Variants in HTR2C observed in about 807,000 individuals in gnomAD.
HTR2C encodes 5-hydroxytryptamine (serotonin) receptor 2C, G protein-coupled.
In HTR2C, 5 loss-of-function variants were observed where a neutral mutation model predicts 21.0. The ratio of observed to expected loss-of-function variants is 0.24; its 90% CI spans 0.12 to 0.50. The LOEUF (loss-of-function observed/expected upper bound fraction) is 0.50, where lower values mean the gene tolerates loss of function less well. HTR2C is among the 20% of genes least tolerant of loss of function. The pLI, the probability that HTR2C is intolerant of heterozygous loss-of-function variation, is 0.98. For synonymous variants in HTR2C, 150 were observed against 145.3 expected (o/e 1.03, Z -0.23); for missense variants, 271 against 371.2 (o/e 0.73, Z 2.22).
At chrX:114,718,571 A>G (rs1036509966) in intron 2 of HTR2C, among the ~76,000 whole-genome samples, 4 of 112,045 alleles carry the variant, frequency 3.6e-5, no homozygotes, top group Non-Finnish European at 5.6e-5. Context: ...ATTGAAAATT[A>G]TGTGAAAACT....
chrX:114,716,777 G>T (rs1933006430), intron 2 of HTR2C, among the ~76,000 whole-genome samples: 1 of 111,478 alleles, frequency 9.0e-6, no homozygotes, highest in South Asian at 3.7e-4. Flanking sequence ...ATATTCATTA[G>T]TCCTAAGGAT....
chrX:114,754,848 G>A (rs34109142), intron 4 of HTR2C, among the ~76,000 whole-genome samples: 1 of 110,685 alleles, frequency 9.0e-6, no homozygotes, highest in African/African-American at 3.3e-5. Flanking sequence ...CCATCTACAG[G>A]GTGAGAGAAA....
intron 2 of HTR2C, among the ~76,000 whole-genome samples, chrX:114,722,909 T>G (rs782673037): frequency 1.8e-5 from 2 of 109,697 alleles, no homozygotes; most frequent in East Asian, 5.7e-4. Context: ...CTGCTGGATT[T>G]GGTTTGCCAG....
chrX:114,706,560 T>G (rs781821813), intron 2 of HTR2C, among the ~76,000 whole-genome samples: 3 of 57,330 alleles, frequency 5.2e-5, no homozygotes, highest in Non-Finnish European at 9.0e-5. Flanking sequence ...GGGACTGTGG[T>G]GGGGTGGGGG....
chrX:114,745,545 G>T (rs1448232924), intron 4 of HTR2C, among the ~76,000 whole-genome samples: 1 of 112,181 alleles, frequency 8.9e-6, no homozygotes, highest in Non-Finnish European at 1.9e-5. Flanking sequence ...AGGTTTGGAA[G>T]CAACCTAAAT....
chrX:114,909,385 G>A lies in HTR2C; in HGVS notation c.*1970G>A, dbSNP rs1264816324. ...GCCATGTATGTTGCATGAATCCATC[G>A]ATTTGTATTAATGTAGGGCAGAATA... On this transcript the variant is annotated 3_prime_UTR_variant, in exon 6 of 6. Transcript: ENST00000276198. 3 of 112,102 alleles carry A rather than the reference G, an allele frequency of 2.7e-5. No homozygotes were observed. The highest frequency in any genetic ancestry group is 6.5e-5 in the African/African-American group (2 of 30,753). The allele number at this position is 112,102 out of a possible 1,213,427, so 9.2% of individuals were successfully genotyped here. A position where few individuals can be genotyped will look rare whatever the true frequency, so the allele number is the denominator to read the frequency against.
intron 5 of HTR2C, among the ~76,000 whole-genome samples, chrX:114,883,928 A>G (rs2071201486): frequency 9.1e-6 from 1 of 110,029 alleles, no homozygotes; most frequent in Non-Finnish European, 1.9e-5. Flanking sequence ...ACCAGCATCT[A>G]TTCAAACCAT....
At chrX:114,773,051 C>T (rs933277031) in intron 4 of HTR2C, among the ~76,000 whole-genome samples, 1 of 111,348 alleles carries the variant, frequency 9.0e-6, no homozygotes, top group Non-Finnish European at 1.9e-5. Context: ...TTGATTTTGT[C>T]TCCAAAGTAT....
intron 4 of HTR2C, among the ~76,000 whole-genome samples, chrX:114,749,121 A>T (rs1228003797): frequency 3.1e-5 from 1 of 32,060 alleles, no homozygotes. Context: ...TAGACAATAA[A>T]ATGTCAAAAA....
chrX:114,634,559 C>T lies in HTR2C; in HGVS notation c.-80+20678C>T, dbSNP rs149353323. On this transcript the variant is annotated intron_variant, in intron 2 of 5. Coordinates refer to ENST00000276198, the MANE Select transcript of HTR2C (RefSeq NM_000868.4). ...CCATGGTGGCTTACACCTGTAATCC[C>T]AGCACTTCAGGAGGCCGAGGTGGGC... Among the ~76,000 whole-genome samples, 941 of 111,066 alleles carry T rather than the reference C, an allele frequency of 8.5e-3. 11 individuals carry two copies. Among genetic ancestry groups the T allele is most frequent in the African/African-American group, 0.029 (872 of 30,538 alleles).
At chrX:114,887,305 C>T (rs941328196) in intron 5 of HTR2C, among the ~76,000 whole-genome samples, 10 of 111,248 alleles carry the variant, frequency 9.0e-5, no homozygotes, top group Non-Finnish European at 1.9e-4. Flanking sequence ...ACGCTCTCTT[C>T]ACGGCCTTTC....
At chrX:114,833,615 C>T (rs782786507) in intron 4 of HTR2C, among the ~76,000 whole-genome samples, 4,074 of 109,236 alleles carry the variant, frequency 0.037, 225 homozygotes, top group African/African-American at 0.13. Context: ...GTCTTGCTAG[C>T]AGTCTATCAA....
chrX:114,619,980 A>G (rs1929093836), intron 2 of HTR2C, among the ~76,000 whole-genome samples: 2 of 111,982 alleles, frequency 1.8e-5, no homozygotes, highest in African/African-American at 6.5e-5. Flanking sequence ...GAATAAACAA[A>G]TAGGTATTAT....
intron 5 of HTR2C, among the ~76,000 whole-genome samples, chrX:114,898,785 T>C (rs1427264414): frequency 8.9e-6 from 1 of 112,005 alleles, no homozygotes; most frequent in Non-Finnish European, 1.9e-5. Context: ...CATGCTGTTT[T>C]GGTTACTGTG....
At chrX:114,688,152 C>A (rs1312369040) in intron 2 of HTR2C, among the ~76,000 whole-genome samples, 3 of 109,391 alleles carry the variant, frequency 2.7e-5, no homozygotes, top group African/African-American at 1.0e-4. Context: ...GAAACCCTGT[C>A]TCTACTAAAA....
intron 2 of HTR2C, among the ~76,000 whole-genome samples, chrX:114,638,263 A>G (rs1415889489): frequency 9.0e-6 from 1 of 111,585 alleles, no homozygotes; most frequent in Non-Finnish European, 1.9e-5. Flanking sequence ...AGTTCAATAT[A>G]ATGTGGAAAT....
chrX:114,598,158 C>G (rs1280314576), intron 1 of HTR2C, among the ~76,000 whole-genome samples: 2 of 111,613 alleles, frequency 1.8e-5, no homozygotes, highest in African/African-American at 3.3e-5. Flanking sequence ...TGTAAGAGCA[C>G]AGTAGATAGA....
intron 5 of HTR2C, among the ~76,000 whole-genome samples, chrX:114,889,807 C>A (rs1420510834): frequency 9.0e-6 from 1 of 111,298 alleles, no homozygotes; most frequent in African/African-American, 3.3e-5. Context: ...ATCTCCAACT[C>A]CATTTTGCTA....
At chrX:114,726,759 C>A in intron 2 of HTR2C, 99 bp from the exon 3 acceptor site, 1 of 381,045 alleles carries the variant, frequency 2.6e-6, no homozygotes, top group Non-Finnish European at 4.5e-6. Flanking sequence ...ATAACTGTTT[C>A]TTATCACCAT....
Sources: allele counts gnomAD v4.1 joint callset (sites outside exome capture counted in the v4.1 genomes callset), GRCh38; gene constraint gnomAD v4.1.1; transcripts MANE v1.5; gene names NCBI Gene and HGNC (gene_info 2026-07-23, HGNC 2026-07-21).